Variants in DACH1 observed in about 807,000 individuals in gnomAD.
DACH1 encodes the protein dachshund family transcription factor 1.
A neutral mutation model predicts 54.2 loss-of-function variants in DACH1; 12 were observed. The ratio of observed to expected loss-of-function variants is 0.22; its 90% confidence interval spans 0.14 to 0.36. The LOEUF (loss-of-function observed/expected upper bound fraction) is 0.36. Ranked by LOEUF, DACH1 falls within the 10% of genes least tolerant of loss-of-function variation. DACH1 has a pLI of 1.00. For missense variants in DACH1, 805 were observed against 929.8 expected (o/e 0.87, Z 1.75); for synonymous variants, 386 against 366.2 (o/e 1.05, Z -0.62).
In DACH1 at chr13:71,849,032, A is replaced by G. The variant is rs140620647; in HGVS notation, c.848+16890T>C. On this transcript the variant is annotated intron_variant, in intron 1 of 10. Transcript: ENST00000613252. Reference sequence around the variant, plus strand: ...TCTTATGACCCTACGGTGTCTATACATTAGTTAATCTAAAATCTAGAGATA... The same window carrying G: ...TCTTATGACCCTACGGTGTCTATACGTTAGTTAATCTAAAATCTAGAGATA... 7.3e-3 allele frequency among the ~76,000 whole-genome samples: 1,113 copies of G among 152,328 alleles called. 10 individuals are homozygous for G. The highest frequency in any genetic ancestry group is 0.011 in the South Asian group (53 of 4,830).
At chr13:71,626,855 A>G (rs542668813) in intron 3 of DACH1, among the ~76,000 whole-genome samples, 1 of 152,162 alleles carries the variant, frequency 6.6e-6, no homozygotes. Context: ...AGTAAGCAGG[A>G]GATTTGTCCA....
intron 1 of DACH1, among the ~76,000 whole-genome samples, chr13:71,816,602 G>T (rs9529916): frequency 1.2e-5 from 1 of 85,904 alleles, no homozygotes; most frequent in Admixed American, 1.4e-4. Context: ...ACACACATAT[G>T]TGTGTATATA....
intron 1 of DACH1, among the ~76,000 whole-genome samples, chr13:71,697,019 T>C (rs1486050907): frequency 6.6e-6 from 1 of 152,176 alleles, no homozygotes. Flanking sequence ...CCCCAACCAC[T>C]ACGCAAAGTG....
chr13:71,839,232 T>C (rs913060314), intron 1 of DACH1, among the ~76,000 whole-genome samples: 1 of 152,142 alleles, frequency 6.6e-6, no homozygotes, highest in African/African-American at 2.4e-5. Context: ...AGAGAAAAAA[T>C]CAGTGCTTTT....
At chr13:71,668,604 A>T (rs1880011519) in intron 2 of DACH1, among the ~76,000 whole-genome samples, 1 of 152,074 alleles carries the variant, frequency 6.6e-6, no homozygotes. Context: ...TAATTGAAAA[A>T]TACAAAACAA....
chr13:71,529,468 C>A (rs1382087822), intron 6 of DACH1, among the ~76,000 whole-genome samples: 1 of 152,044 alleles, frequency 6.6e-6, no homozygotes, highest in Non-Finnish European at 1.5e-5. Flanking sequence ...TACAGTGAGC[C>A]ACTGCGCCCA....
At chr13:71,527,732 C>T (rs1035589751) in intron 6 of DACH1, among the ~76,000 whole-genome samples, 1 of 152,132 alleles carries the variant, frequency 6.6e-6, no homozygotes, top group Non-Finnish European at 1.5e-5. Context: ...TAACATATCT[C>T]AGCAGTCAGA....
chr13:71,786,200 T>C (rs528412024), intron 1 of DACH1, among the ~76,000 whole-genome samples: 26 of 152,298 alleles, frequency 1.7e-4, no homozygotes, highest in Middle Eastern at 6.8e-3. Flanking sequence ...TAGCAAGACA[T>C]AGTTTTTTAA....
chr13:71,812,723 A>G (rs558738407), intron 1 of DACH1, among the ~76,000 whole-genome samples: 1 of 152,284 alleles, frequency 6.6e-6, no homozygotes, highest in South Asian at 2.1e-4. Flanking sequence ...ATTTAACTTG[A>G]GATTCCTCTT....
At position 71,615,099 on chromosome 13, in the gene DACH1, G is replaced by A. The variant is rs115026631; in HGVS notation, c.1126+15457C>T. Among the ~76,000 whole-genome samples the A allele has an allele frequency of 5.2e-3, 782 of 151,740 alleles. 6 individuals carry two copies. The highest frequency in any genetic ancestry group is 0.018 in the African/African-American group (741 of 41,424). On this transcript the variant is annotated intron_variant, in intron 3 of 10. Coordinates refer to ENST00000613252, the MANE Select transcript of DACH1 (RefSeq NM_080759.6). The stretch of plus-strand genomic sequence containing the variant: ...TATTTTAAGATTATCCCATGTTTAT[G>A]GTAAACCTAAAGAAGCTGTAAAACT...
chr13:71,577,668 G>A (rs1885616696), intron 3 of DACH1, among the ~76,000 whole-genome samples: 1 of 152,046 alleles, frequency 6.6e-6, no homozygotes, highest in Non-Finnish European at 1.5e-5. Context: ...ACATACACAA[G>A]AAAATGAATA....
intron 1 of DACH1, among the ~76,000 whole-genome samples, chr13:71,826,170 T>C (rs1888371493): frequency 1.3e-5 from 2 of 152,154 alleles, no homozygotes; most frequent in Non-Finnish European, 2.9e-5. Flanking sequence ...TATATACATA[T>C]CAAAATAAAA....
At chr13:71,622,676 T>C (rs1334304823) in intron 3 of DACH1, among the ~76,000 whole-genome samples, 2 of 151,838 alleles carry the variant, frequency 1.3e-5, no homozygotes, top group African/African-American at 4.8e-5. Context: ...ATATTCATCC[T>C]CCTGGAATGT....
chr13:71,839,380 G>A (rs1434339487), intron 1 of DACH1, among the ~76,000 whole-genome samples: 1 of 152,086 alleles, frequency 6.6e-6, no homozygotes, highest in African/African-American at 2.4e-5. Flanking sequence ...GGCCAAGGCG[G>A]GTGGATAATG....
rs114153568 is a variant in DACH1 at position 71,544,238 on chromosome 13, C to T, written c.1570+12786G>A. Among the ~76,000 whole-genome samples, 308 of 152,070 alleles carry T rather than the reference C, an allele frequency of 2.0e-3. 2 individuals are homozygous for T. Among genetic ancestry groups the T allele is most frequent in the South Asian group, 0.016 (75 of 4,812 alleles). ...AAATCTTCCTGCGTATTCCTTATTGCCAGTAAAATGTAAAAGAAAAACAAA... is the reference window on the plus strand; with the variant it reads ...AAATCTTCCTGCGTATTCCTTATTGTCAGTAAAATGTAAAAGAAAAACAAA... On this transcript the variant is annotated intron_variant, in intron 6 of 10. Coordinates refer to ENST00000613252, the MANE Select transcript of DACH1 (RefSeq NM_080759.6).
intron 1 of DACH1, among the ~76,000 whole-genome samples, chr13:71,816,838 C>T (rs1263049747): frequency 6.6e-6 from 1 of 151,906 alleles, no homozygotes; most frequent in Non-Finnish European, 1.5e-5. Context: ...CATGTTCTCA[C>T]TTATAAGTGG....
At chr13:71,636,729 T>A (rs1158558795) in intron 2 of DACH1, among the ~76,000 whole-genome samples, 2 of 151,988 alleles carry the variant, frequency 1.3e-5, no homozygotes, top group Non-Finnish European at 2.9e-5. Flanking sequence ...CAAACTTGGG[T>A]TAATACACTA....
At chr13:71,489,252 T>C in intron 6 of DACH1, 104 bp from the exon 7 acceptor site, 1 of 1,308,198 alleles carries the variant, frequency 7.6e-7, no homozygotes, top group South Asian at 1.5e-5. Flanking sequence ...TTATTGCAAA[T>C]TGGTTCCTGC....
rs956353929 is a variant in DACH1, at chr13:71,551,137, T to C, written c.1570+5887A>G. On this transcript the variant is annotated intron_variant, in intron 6 of 10. Coordinates refer to ENST00000613252, the MANE Select transcript of DACH1 (RefSeq NM_080759.6). ...ATTTGAATAAGATCTATTTAGAATT[T>C]AAAAGAAAAAAGCCATTTGTTTACT... Among the ~76,000 whole-genome samples the C allele has an allele frequency of 6.6e-5, 10 of 152,166 alleles. No homozygotes were observed. The East Asian group carries it at 1.7e-3, about 26-fold the overall frequency.
Sources: gnomAD v4.1 joint callset for allele counts (sites outside exome capture counted in the v4.1 genomes callset) on GRCh38, gnomAD v4.1.1 for gene constraint, MANE v1.5 for transcripts, NCBI Gene and HGNC (gene_info 2026-07-23, HGNC 2026-07-21) for gene names.